Variants in HORMAD2 observed in about 807,000 individuals in gnomAD.
HORMAD2 encodes the protein HORMA domain containing 2.
Under a neutral mutation model 38.8 loss-of-function variants are expected in HORMAD2, and 45 were observed. The observed-to-expected ratio is 1.16, with a 90% CI of 0.91 to 1.49. The LOEUF (loss-of-function observed/expected upper bound fraction) is 1.49. Ranked by LOEUF, HORMAD2 falls within the 40% of genes most tolerant of loss-of-function variation. The pLI is 0.00. For missense variants in HORMAD2, 338 were observed against 367.0 expected (o/e 0.92, Z 0.65); for synonymous variants, 126 against 122.8 (o/e 1.03, Z -0.17).
chr22:30,189,574 A>C, the HORMAD2 span, among the ~76,000 whole-genome samples: 1 of 151,944 alleles, frequency 6.6e-6, no homozygotes, highest in Non-Finnish European at 1.5e-5. Context: ...CCCATATCTC[A>C]CAGTTTATGG....
At chr22:30,184,759 T>C in the HORMAD2 span, 1 of 152,184 alleles carries the variant, frequency 6.6e-6, no homozygotes, top group East Asian at 1.9e-4. Context: ...TTCCACAGTA[T>C]GGTCCATTTT....
the HORMAD2 span, among the ~76,000 whole-genome samples, chr22:30,199,955 CA>C: frequency 3.3e-5 from 5 of 151,754 alleles, no homozygotes; most frequent in African/African-American, 9.7e-5. Flanking sequence ...ACTAAAAATG[CA>C]AAAAAATTTT....
chr22:30,148,941 T>C (rs1924585205), intron 10 of HORMAD2, among the ~76,000 whole-genome samples: 1 of 151,982 alleles, frequency 6.6e-6, no homozygotes, highest in African/African-American at 2.4e-5. Context: ...ATAGTGCCAC[T>C]GCACTCCAGC....
chr22:30,143,529 AG>A (rs1451625218), intron 10 of HORMAD2, among the ~76,000 whole-genome samples: 1 of 151,940 alleles, frequency 6.6e-6, no homozygotes. Context: ...TCCTGCTGAG[AG>A]ATCAGCTGTT....
In HORMAD2 at chr22:30,148,294, G is replaced by A. The variant is rs949766558; in HGVS notation, c.819+26080G>A. On this transcript the variant is annotated intron_variant, in intron 10 of 10. Transcript: ENST00000336726. ...ACTTAGATGCAAAAGACTAAATACC[G>A]TATAATTTCATTTACATGAAAATCT... Among the ~76,000 whole-genome samples, 7 of 152,128 alleles carry A rather than the reference G, an allele frequency of 4.6e-5. No homozygotes were observed. The East Asian group carries it at 5.8e-4, about 13-fold the overall frequency.
intron 2 of HORMAD2, among the ~76,000 whole-genome samples, chr22:30,097,707 G>T (rs2068807670): frequency 6.6e-6 from 1 of 152,140 alleles, no homozygotes; most frequent in South Asian, 2.1e-4. Context: ...GATTTTGACA[G>T]TTCTGAAATC....
chr22:30,133,384 T>C (rs943346765), intron 10 of HORMAD2, among the ~76,000 whole-genome samples: 19 of 151,630 alleles, frequency 1.3e-4, no homozygotes, highest in Admixed American at 2.0e-4. Context: ...CTTCTGACAA[T>C]GGTAAAGAAA....
the HORMAD2 span, among the ~76,000 whole-genome samples, chr22:30,201,178 C>A: frequency 6.6e-6 from 1 of 152,132 alleles, no homozygotes; most frequent in Admixed American, 6.5e-5. Flanking sequence ...TGGTTGCTGA[C>A]AATCCTTGGT....
chr22:30,097,648 G>A (rs962810163), intron 2 of HORMAD2, among the ~76,000 whole-genome samples: 1 of 152,104 alleles, frequency 6.6e-6, no homozygotes, highest in Non-Finnish European at 1.5e-5. Context: ...GGGAGTGTGG[G>A]CAGGGAGGAA....
chr22:30,132,185 A>G (rs537692807), intron 10 of HORMAD2, among the ~76,000 whole-genome samples: 1 of 152,338 alleles, frequency 6.6e-6, no homozygotes, highest in African/African-American at 2.4e-5. Context: ...CTTTGATACA[A>G]CATAGTGTTG....
rs1316983674 is a variant in HORMAD2, at chr22:30,176,879, G to A, written c.*712G>A. On this transcript the variant is annotated 3_prime_UTR_variant, in exon 11 of 11. Transcript: ENST00000336726. ...TGCTATTAGTTCCCTCCTTATTCTG[G>A]AAGAATTTGGATAGACTTAATTGAT... 1 of 152,694 alleles carries A rather than the reference G, an allele frequency of 6.5e-6. No homozygotes were observed. Among genetic ancestry groups the A allele is most frequent in the Non-Finnish European group, 1.5e-5 (1 of 68,026 alleles). The allele number at this position is 152,694 out of a possible 1,614,324, so 9.5% of individuals were successfully genotyped here. A position where few individuals can be genotyped will look rare whatever the true frequency, so the allele number is the denominator to read the frequency against.
chr22:30,156,459 G>T (rs74828645), intron 10 of HORMAD2, among the ~76,000 whole-genome samples: 1 of 152,222 alleles, frequency 6.6e-6, no homozygotes, highest in East Asian at 1.9e-4. Context: ...GATAAAAAAA[G>T]AAAGATTTCT....
At chr22:30,121,914 G>A (rs1348501480) in intron 9 of HORMAD2, 50 bp from the exon 10 acceptor site, 4 of 1,577,446 alleles carry the variant, frequency 2.5e-6, no homozygotes, top group Non-Finnish European at 2.6e-6. Flanking sequence ...AATCGGATTT[G>A]TTGTATTGAA....
intron 10 of HORMAD2, among the ~76,000 whole-genome samples, chr22:30,161,255 C>T (rs908539640): frequency 2.0e-5 from 3 of 152,182 alleles, no homozygotes; most frequent in Non-Finnish European, 4.4e-5. Context: ...GGACCTATCT[C>T]TATAGTCATT....
intron 3 of HORMAD2, among the ~76,000 whole-genome samples, chr22:30,102,630 A>G (rs374645793): frequency 1.1e-3 from 175 of 152,184 alleles, no homozygotes; most frequent in African/African-American, 4.0e-3. Flanking sequence ...CCAAAACTCT[A>G]TTTATTTATT....
intron 5 of HORMAD2, among the ~76,000 whole-genome samples, chr22:30,108,663 A>G (rs5763779): frequency 0.74 from 113,249 of 152,094 alleles, 43,506 homozygotes; most frequent in African/African-American, 0.93. Context: ...CAATGAACAC[A>G]ATGTTAATGA....
rs756466677 is a variant in HORMAD2, at chr22:30,122,099, T to C, written c.704T>C (p.Met235Thr). Residue 235 changes from methionine (M) to threonine (T), a missense_variant, in exon 10 of 11, where the codon ATG becomes ACG. Physicochemically the swap from Met to Thr is moderately conservative, Grantham distance 81. Coordinates refer to ENST00000336726, the MANE Select transcript of HORMAD2 (RefSeq NM_152510.4). ...TGFHSMKVKV[M>T]TEATKVIDLE... ...TTTCATAGCATGAAAGTAAAAGTCATGACAGAGGCTACAAAAGTGATTGAT... is the reference window on the plus strand; with the variant it reads ...TTTCATAGCATGAAAGTAAAAGTCACGACAGAGGCTACAAAAGTGATTGAT... 9 of 1,613,646 alleles carry C rather than the reference T, an allele frequency of 5.6e-6. No individual in the cohort carries two copies. The South Asian group carries it at 9.9e-5, about 18-fold the overall frequency.
intron 10 of HORMAD2, among the ~76,000 whole-genome samples, chr22:30,164,673 T>A (rs1402678203): frequency 6.6e-6 from 1 of 152,166 alleles, no homozygotes; most frequent in Non-Finnish European, 1.5e-5. Flanking sequence ...TGGTTTGTAT[T>A]TTAAGAGACA....
chr22:30,099,551 ATAC>A (rs1309399002), intron 3 of HORMAD2, among the ~76,000 whole-genome samples: 1 of 152,120 alleles, frequency 6.6e-6, no homozygotes, highest in African/African-American at 2.4e-5. Context: ...TTATTGTCTT[ATAC>A]TACAAGCTGT....
Sources: gnomAD v4.1 joint callset for allele counts (sites outside exome capture counted in the v4.1 genomes callset) on GRCh38, gnomAD v4.1.1 for gene constraint, MANE v1.5 for transcripts, NCBI Gene and HGNC (gene_info 2026-07-23, HGNC 2026-07-21) for gene names.